RYR2: variants seen among roughly 807,000 people sequenced by gnomAD.
RYR2 encodes the protein ryanodine receptor 2.
In RYR2, 227 loss-of-function variants were observed where a neutral mutation model predicts 601.1. The ratio of observed to expected loss-of-function variants is 0.38; its 90% CI spans 0.34 to 0.42. The LOEUF (loss-of-function observed/expected upper bound fraction) is 0.42. Ranked by LOEUF, RYR2 falls within the 10% of genes least tolerant of loss-of-function variation. The probability of loss-of-function intolerance (pLI) is 1.00; values close to 1 mark genes in which losing one functional copy is unlikely to be tolerated. For missense variants in RYR2, 4,646 were observed against 6,156.5 expected (o/e 0.75, Z 8.21); for synonymous variants, 2,223 against 2,175.1 (o/e 1.02, Z -0.61).
intron 24 of RYR2, among the ~76,000 whole-genome samples, chr1:237,527,200 T>A (rs1667680497): frequency 6.6e-6 from 1 of 152,236 alleles, no homozygotes; most frequent in Non-Finnish European, 1.5e-5. Flanking sequence ...TTATAGTTAC[T>A]ATATCCTTAT....
Position 237,795,142 on chromosome 1 carries a change from A to T in RYR2, c.13914-147A>T, listed in dbSNP as rs1488896769. The T allele has an allele frequency of 1.1e-5, 5 of 465,012 alleles. No individual in the cohort carries two copies. In the South Asian group the frequency reaches 1.8e-4, roughly 16 times the overall value. The allele number at this position is 465,012 out of a possible 1,614,324, so 28.8% of individuals were successfully genotyped here. The stretch of plus-strand genomic sequence containing the variant: ...TCAAATACCTATGATGCAGGAAATT[A>T]TGTGATGTTAGCCAAATTCATTGTA... On this transcript the variant is annotated intron_variant, in intron 95 of 104. Transcript: ENST00000366574.
intron 84 of RYR2, among the ~76,000 whole-genome samples, chr1:237,765,163 A>G (rs953010329): frequency 6.6e-6 from 1 of 152,146 alleles, no homozygotes; most frequent in Non-Finnish European, 1.5e-5. Context: ...TTCAAAAACA[A>G]AACCTGTATG....
chr1:237,050,797 G>A (rs780452901), intron 1 of RYR2, among the ~76,000 whole-genome samples: 3 of 152,180 alleles, frequency 2.0e-5, no homozygotes, highest in South Asian at 2.1e-4. Flanking sequence ...AAATGAAGCC[G>A]AACAGCACAC....
intron 1 of RYR2, among the ~76,000 whole-genome samples, chr1:237,148,008 A>G (rs528430256): frequency 1.1e-4 from 16 of 152,310 alleles, no homozygotes; most frequent in African/African-American, 3.8e-4. Context: ...TTAGGAAGTC[A>G]TGTGGTCGAA....
intron 1 of RYR2, among the ~76,000 whole-genome samples, chr1:237,253,179 A>C (rs866749776): frequency 8.3e-4 from 124 of 149,334 alleles, no homozygotes; most frequent in South Asian, 1.5e-3. Flanking sequence ...AAAAAAAAAA[A>C]AACAACAACA....
At chr1:237,760,808 G>A (rs979350309) in intron 83 of RYR2, 147 bp from the exon 84 acceptor site, 6 of 617,010 alleles carry the variant, frequency 9.7e-6, no homozygotes, top group Non-Finnish European at 1.7e-5. Context: ...AAATACGGTT[G>A]GTACGCAATG....
At chr1:237,807,555 T>C (rs1660775491) in intron 99 of RYR2, among the ~76,000 whole-genome samples, 1 of 152,210 alleles carries the variant, frequency 6.6e-6, no homozygotes, top group African/African-American at 2.4e-5. Context: ...TTTCACCATG[T>C]TGGCCAGGCT....
chr1:237,174,807 G>A (rs916815098), intron 1 of RYR2, among the ~76,000 whole-genome samples: 12 of 152,118 alleles, frequency 7.9e-5, no homozygotes, highest in Admixed American at 3.3e-4. Flanking sequence ...ACAGGATCAG[G>A]AATCAATAGT....
intron 1 of RYR2, among the ~76,000 whole-genome samples, chr1:237,107,898 A>G (rs1198839626): frequency 6.6e-6 from 1 of 152,048 alleles, no homozygotes; most frequent in East Asian, 1.9e-4. Context: ...ACATGCCCTC[A>G]TCTTCCTTTA....
rs55814739 is a variant in RYR2 at position 237,582,604 on chromosome 1, T to C, written c.3599-7189T>C. Among the ~76,000 whole-genome samples, 900 of 152,146 alleles carry C rather than the reference T, an allele frequency of 5.9e-3. 7 individuals carry two copies. The highest frequency in any genetic ancestry group is 0.021 in the African/African-American group (873 of 41,518). ...CCACCACAGTTGTCCCCAGTTTCTGTTTTTGCCATCCATCTTTATGTCCAT... is the reference window on the plus strand; with the variant it reads ...CCACCACAGTTGTCCCCAGTTTCTGCTTTTGCCATCCATCTTTATGTCCAT... On this transcript the variant is annotated intron_variant, in intron 29 of 104. Transcript: ENST00000366574.
At chr1:237,558,755 A>C (rs1160636374) in intron 27 of RYR2, among the ~76,000 whole-genome samples, 2 of 151,852 alleles carry the variant, frequency 1.3e-5, no homozygotes, top group African/African-American at 4.8e-5. Context: ...GGTATGGTTG[A>C]GTGTATCCCC....
intron 1 of RYR2, among the ~76,000 whole-genome samples, chr1:237,068,032 A>ATTTTT (rs36053229): frequency 8.1e-6 from 1 of 122,890 alleles, no homozygotes; most frequent in Non-Finnish European, 1.7e-5. Flanking sequence ...CAGAACTTTG[A>ATTTTT]TTTTTTTTTT....
chr1:237,757,601 CATA>C, intron 81 of RYR2, 93 bp from the exon 82 acceptor site: 1 of 779,652 alleles, frequency 1.3e-6, no homozygotes, highest in Non-Finnish European at 2.2e-6. Flanking sequence ...CCTGGGGGGG[CATA>C]ATAATAATTT....
At position 237,150,437 on chromosome 1, in the gene RYR2, G is replaced by A. The variant is rs528420056; in HGVS notation, c.48+107868G>A. ...ACAAGTTTCTAGATAGGGCTGGGATGGAATCTTTTCTGTTTTTGTATCCCC... is the reference window on the plus strand; with the variant it reads ...ACAAGTTTCTAGATAGGGCTGGGATAGAATCTTTTCTGTTTTTGTATCCCC... On this transcript the variant is annotated intron_variant, in intron 1 of 104. Transcript: ENST00000366574. Among the ~76,000 whole-genome samples, 330 of 152,248 alleles carry A rather than the reference G, an allele frequency of 2.2e-3. 1 individual carries two copies. The highest frequency in any genetic ancestry group is 7.7e-3 in the African/African-American group (319 of 41,556).
chr1:237,556,544 T>C (rs1324692101), intron 27 of RYR2, among the ~76,000 whole-genome samples: 1 of 151,048 alleles, frequency 6.6e-6, no homozygotes. Flanking sequence ...CTCCTGATGT[T>C]GTGATCCACC....
At chr1:237,332,241 G>A (rs948250525) in intron 3 of RYR2, among the ~76,000 whole-genome samples, 3 of 152,024 alleles carry the variant, frequency 2.0e-5, no homozygotes, top group Admixed American at 1.3e-4. Flanking sequence ...TAAAATTTTA[G>A]TGTCATGCAG....
At chr1:237,416,978 C>A in intron 10 of RYR2, 71 bp from the exon 11 acceptor site, 2 of 1,400,188 alleles carry the variant, frequency 1.4e-6, no homozygotes, top group Non-Finnish European at 2.0e-6. Context: ...TAATTAGCTT[C>A]AAAAAATTAG....
In RYR2 at chr1:237,253,235, A is replaced by AT. The variant is rs1558502729; in HGVS notation, c.49-17261dup. 1.2e-4 allele frequency among the ~76,000 whole-genome samples: 3 copies of AT among 25,672 alleles called. No homozygotes were observed. In the Non-Finnish European group the frequency reaches 2.1e-3, roughly 18 times the overall value. 16.8% of individuals were successfully genotyped at this position (25,672 alleles called of 152,430 possible). A position where few individuals can be genotyped will look rare whatever the true frequency, so the allele number is the denominator to read the frequency against. On this transcript the variant is annotated intron_variant, in intron 1 of 104. Coordinates refer to ENST00000366574, the MANE Select transcript of RYR2 (RefSeq NM_001035.3). ...ACAGTGGATATTACAAATTATTATT[A>AT]TATTATTATTTCTGTCTAATAGATG...
intron 1 of RYR2, among the ~76,000 whole-genome samples, chr1:237,209,005 T>G (rs2149084414): frequency 7.2e-6 from 1 of 138,574 alleles, no homozygotes; most frequent in African/African-American, 2.7e-5. Flanking sequence ...AATTGAACTA[T>G]GATTCAGCCA....
Sources: allele counts gnomAD v4.1 joint callset (sites outside exome capture counted in the v4.1 genomes callset), GRCh38; gene constraint gnomAD v4.1.1; transcripts MANE v1.5; gene names NCBI Gene and HGNC (gene_info 2026-07-23, HGNC 2026-07-21).